The following ANO4 variants were observed in gnomAD, a reference collection of about 807,000 sequenced individuals.
ANO4 encodes the protein anoctamin 4.
ANO4 carries 69 observed loss-of-function variants against 141.9 expected under a neutral mutation model. The observed-to-expected ratio is 0.49, with a 90% CI of 0.40 to 0.59. The LOEUF (loss-of-function observed/expected upper bound fraction) is 0.59, where lower values mean the gene tolerates loss of function less well. Ranked by LOEUF, ANO4 falls within the 20% of genes least tolerant of loss-of-function variation. ANO4 has a pLI of 0.00. For missense variants in ANO4, 894 were observed against 1,162.2 expected (o/e 0.77, Z 3.36); for synonymous variants, 350 against 394.3 (o/e 0.89, Z 1.33).
At chr12:100,923,600 T>C (rs1415701319) in intron 3 of ANO4, among the ~76,000 whole-genome samples, 1 of 152,164 alleles carries the variant, frequency 6.6e-6, no homozygotes, top group Non-Finnish European at 1.5e-5. Flanking sequence ...TAAACATACG[T>C]GTGCATGTGT....
chr12:100,871,714 G>T (rs539654280), intron 1 of ANO4, among the ~76,000 whole-genome samples: 1 of 152,174 alleles, frequency 6.6e-6, no homozygotes, highest in African/African-American at 2.4e-5. Flanking sequence ...CAGCTTCCTG[G>T]TTCATACATA....
intron 6 of ANO4, among the ~76,000 whole-genome samples, chr12:100,974,610 T>C (rs1268521506): frequency 6.6e-6 from 1 of 152,060 alleles, no homozygotes; most frequent in East Asian, 1.9e-4. Flanking sequence ...AAAAAAAAAT[T>C]ATGGTAATGG....
intron 1 of ANO4, among the ~76,000 whole-genome samples, chr12:100,814,398 T>C (rs2035611295): frequency 6.6e-6 from 1 of 152,110 alleles, no homozygotes; most frequent in South Asian, 2.1e-4. Flanking sequence ...GTTTTTCTAA[T>C]ATTTAAGGGG....
intron 1 of ANO4, among the ~76,000 whole-genome samples, chr12:100,862,103 C>A (rs1368462357): frequency 6.6e-6 from 1 of 152,044 alleles, no homozygotes; most frequent in Non-Finnish European, 1.5e-5. Context: ...AATTTGTATT[C>A]TTTTAGAGCC....
chr12:101,095,931 G>T (rs2049965410), intron 18 of ANO4, among the ~76,000 whole-genome samples: 1 of 152,166 alleles, frequency 6.6e-6, no homozygotes, highest in South Asian at 2.1e-4. Flanking sequence ...CCTGACTGAG[G>T]TCAGGAAATT....
chr12:100,761,927 C>T (rs1028228728), intron 3 of ANO4, among the ~76,000 whole-genome samples: 1 of 152,156 alleles, frequency 6.6e-6, no homozygotes, highest in African/African-American at 2.4e-5. Context: ...GCCCTTCTTT[C>T]TCTGCTTCTG....
rs1479024877 is a variant in ANO4, at chr12:100,937,735, C to T, written c.161-1580C>T. ...CAGAAGTCCCAAAATCAAGACTCTC[C>T]TCTCTGGAGGCTCCAGGGGAGAATC... is the stretch of plus-strand genomic sequence containing the variant. On this transcript the variant is annotated intron_variant, in intron 3 of 27. Coordinates refer to ENST00000392977, the MANE Select transcript of ANO4 (RefSeq NM_001286615.2). Among the ~76,000 whole-genome samples the T allele has an allele frequency of 2.6e-5, 4 of 152,134 alleles. 1 individual carries two copies. The highest frequency in any genetic ancestry group is 7.2e-5 in the African/African-American group (3 of 41,432).
In ANO4 at chr12:100,958,143, G is replaced by A. The variant is rs186436574; in HGVS notation, c.457-13163G>A. 1.6e-4 allele frequency among the ~76,000 whole-genome samples: 25 copies of A among 152,272 alleles called. No homozygotes were observed. In the East Asian group the frequency reaches 2.9e-3, roughly 18 times the overall value. ...TGACTTATTTGCCGGGCAAAGCCCC[G>A]ACCATGGTTAAACTGCATCTTGTTC... On this transcript the variant is annotated intron_variant, in intron 5 of 27. Coordinates refer to ENST00000392977, the MANE Select transcript of ANO4 (RefSeq NM_001286615.2).
At chr12:100,836,562 G>T (rs2036932121) in intron 1 of ANO4, among the ~76,000 whole-genome samples, 1 of 145,514 alleles carries the variant, frequency 6.9e-6, no homozygotes, top group Non-Finnish European at 1.5e-5. Context: ...TTTCTGAACA[G>T]GAGAGAAGCC....
chr12:100,997,980 A>C (rs2045465420), intron 8 of ANO4, among the ~76,000 whole-genome samples: 1 of 152,218 alleles, frequency 6.6e-6, no homozygotes, highest in Non-Finnish European at 1.5e-5. Context: ...CAAGGTATCC[A>C]GCAAAATACT....
chr12:100,817,314 C>T (rs919233278), intron 1 of ANO4, among the ~76,000 whole-genome samples: 2 of 151,806 alleles, frequency 1.3e-5, no homozygotes, highest in African/African-American at 4.8e-5. Context: ...AATAATATAA[C>T]TGGTTTCCAG....
chr12:100,813,320 T>A (rs566509235), intron 1 of ANO4, among the ~76,000 whole-genome samples: 1 of 152,306 alleles, frequency 6.6e-6, no homozygotes, highest in South Asian at 2.1e-4. Context: ...CTCCAAGGGC[T>A]TTAAATAGGT....
intron 1 of ANO4, among the ~76,000 whole-genome samples, chr12:100,817,976 A>G (rs958467751): frequency 6.6e-6 from 1 of 151,836 alleles, no homozygotes; most frequent in Non-Finnish European, 1.5e-5. Flanking sequence ...AGACAATCCT[A>G]GTGCAGAATT....
intron 1 of ANO4, among the ~76,000 whole-genome samples, chr12:100,872,811 G>A (rs973393552): frequency 6.6e-6 from 1 of 152,232 alleles, no homozygotes; most frequent in Non-Finnish European, 1.5e-5. Flanking sequence ...CCCATGGGAA[G>A]TAAAGTATAT....
intron 1 of ANO4, among the ~76,000 whole-genome samples, chr12:100,728,969 T>C (rs978616954): frequency 1.3e-5 from 2 of 150,196 alleles, no homozygotes; most frequent in African/African-American, 2.4e-5. Flanking sequence ...CCCCATACTC[T>C]TTCATAACGC....
At chr12:100,843,193 C>T (rs967652163) in intron 1 of ANO4, among the ~76,000 whole-genome samples, 1 of 152,106 alleles carries the variant, frequency 6.6e-6, no homozygotes, top group Non-Finnish European at 1.5e-5. Context: ...TAGTGCACAC[C>T]AAGTGCTTTA....
chr12:100,832,685 C>T (rs1361109701), intron 1 of ANO4, among the ~76,000 whole-genome samples: 1 of 152,112 alleles, frequency 6.6e-6, no homozygotes, highest in Non-Finnish European at 1.5e-5. Flanking sequence ...TTCAGACCTG[C>T]TGCTTAATGA....
chr12:100,992,915 G>T (rs2045206258), intron 8 of ANO4, among the ~76,000 whole-genome samples: 1 of 152,166 alleles, frequency 6.6e-6, no homozygotes, highest in Non-Finnish European at 1.5e-5. Flanking sequence ...ATACCTGCCA[G>T]CCACAGTGTC....
chr12:100,941,372 G>T (rs1369543960), intron 4 of ANO4, among the ~76,000 whole-genome samples: 1 of 152,078 alleles, frequency 6.6e-6, no homozygotes, highest in African/African-American at 2.4e-5. Flanking sequence ...TAGATTCGTA[G>T]TCTTAACAAC....
Sources: gnomAD v4.1 joint callset for allele counts (sites outside exome capture counted in the v4.1 genomes callset) on GRCh38, gnomAD v4.1.1 for gene constraint, MANE v1.5 for transcripts, NCBI Gene and HGNC (gene_info 2026-07-23, HGNC 2026-07-21) for gene names.